DHX37: variants seen among roughly 807,000 people sequenced by gnomAD.
DHX37 encodes DEAH-box helicase 37, also known as probable ATP-dependent RNA helicase DHX37.
DHX37 carries 52 observed loss-of-function variants against 134.3 expected under a neutral mutation model. The observed-to-expected ratio is 0.39, with a 90% CI of 0.31 to 0.49. DHX37 has a LOEUF of 0.49. Ranked by LOEUF, DHX37 falls within the 20% of genes least tolerant of loss-of-function variation. The pLI is 0.93. For missense variants in DHX37, 1,344 were observed against 1,580.8 expected, an observed-to-expected ratio of 0.85 and a Z score of 2.54; for synonymous variants, 634 against 670.7, an observed-to-expected ratio of 0.95 and a Z score of 0.85.
At position 124,971,297 on chromosome 12, in the gene DHX37, G is replaced by T; in HGVS notation, c.1191+5C>A. On this transcript the variant is annotated splice_donor_5th_base_variant and intron_variant, in intron 8 of 26. Transcript: ENST00000308736. Reference sequence around the variant, plus strand: ...GGGCTCCCCAGCACCCGCCTCCTGCGCTACCTTAGCCCGGAGAGTCACAAT... The same window carrying T: ...GGGCTCCCCAGCACCCGCCTCCTGCTCTACCTTAGCCCGGAGAGTCACAAT... 1 of 1,611,772 alleles carries T rather than the reference G, an allele frequency of 6.2e-7. No homozygotes were observed. Among genetic ancestry groups the T allele is most frequent in the Non-Finnish European group, 8.5e-7 (1 of 1,179,758 alleles).
At position 124,949,387 on chromosome 12, in the gene DHX37, G is replaced by C. The variant is rs375389204; in HGVS notation, c.3290+599C>G. 6.6e-6 allele frequency among the ~76,000 whole-genome samples: 1 copy of C among 152,200 alleles called. No homozygotes were observed. The highest frequency in any genetic ancestry group is 1.5e-5 in the Non-Finnish European group (1 of 68,048). On this transcript the variant is annotated intron_variant, in intron 25 of 26. Coordinates refer to ENST00000308736, the MANE Select transcript of DHX37 (RefSeq NM_032656.4). This position sits in a 1 kb window ranked among gnomAD's most constrained non-coding sequence, Gnocchi z 4.0. ...AGGTGTCTGTGGGTCTGGACCACAG[G>C]CAGGAGGAGAGCAGAAGCAGGAGGC...
At chr12:124,951,595 T>C (rs1372261909) in intron 21 of DHX37, among the ~76,000 whole-genome samples, 1 of 152,162 alleles carries the variant, frequency 6.6e-6, no homozygotes, top group Non-Finnish European at 1.5e-5. Flanking sequence ...ACACTTTAAA[T>C]GGGTTTAAAT....
At chr12:124,959,073 C>CTTTTTTTT (rs1188884814) in intron 16 of DHX37, among the ~76,000 whole-genome samples, 1 of 115,816 alleles carries the variant, frequency 8.6e-6, no homozygotes, top group African/African-American at 4.0e-5. Flanking sequence ...CCACACCTGG[C>CTTTTTTTT]TTTTTTTTTT....
Position 124,964,577 on chromosome 12 carries a change from T to C in DHX37, c.1862A>G (p.Asn621Ser). 6.2e-7 allele frequency: 1 copy of C among 1,613,376 alleles called. No individual in the cohort carries two copies. Among genetic ancestry groups the C allele is most frequent in the African/African-American group, 1.3e-5 (1 of 75,020 alleles). The part of the protein sequence containing the change: ...EGTRLCVVAT[N>S]VAETSLTIPG... ...GATGGTAAGCGACGTCTCGGCCACA[T>C]TGGTGGCCACAACACACAACCGAGT... Residue 621 changes from asparagine to serine, a missense_variant, in exon 15 of 27, where the codon AAT becomes AGT. By Grantham distance (46) the Asn-to-Ser change is conservative (BLOSUM62 1). Around this residue, in one of 7 missense-constraint regions of DHX37, gnomAD observed 289 missense variants for 323.8 expected, o/e 0.89. Coordinates refer to ENST00000308736, the MANE Select transcript of DHX37 (RefSeq NM_032656.4).
chr12:124,964,967 G>T lies in DHX37; in HGVS notation c.1775C>A (p.Pro592Gln). The T allele has an allele frequency of 6.3e-7, 1 of 1,599,406 alleles. No individual in the cohort carries two copies. The change falls in exon 14 of 27, where the codon CCG becomes CAG. Residue 592 changes from proline to glutamine, a missense_variant. Pro to Gln is a moderately conservative substitution (Grantham distance 76, BLOSUM62 -1). Transcript: ENST00000308736. ...CTCTGGGGCCAGCAGAGAGTACAGC[G>T]GGAGCACGTGGAGCGGGAGGGAGGC... ...PDASLPLHVL[P>Q]LYSLLAPEKQ... is the part of the protein sequence containing the mutation.
At position 124,989,034 on chromosome 12, in the gene DHX37, C is replaced by T; in HGVS notation, c.-12G>A. Reference sequence around the variant, plus strand: ...CGCAGCTTCCCCATGGCGACTAGGCCAGGGTGGGCGCTCCAGCGGCCGGAC... The same window carrying T: ...CGCAGCTTCCCCATGGCGACTAGGCTAGGGTGGGCGCTCCAGCGGCCGGAC... On this transcript the variant is annotated 5_prime_UTR_variant, in exon 1 of 27. Transcript: ENST00000308736. The T allele has an allele frequency of 5.9e-6, 8 of 1,352,606 alleles. No homozygotes were observed. The highest frequency in any genetic ancestry group is 7.7e-6 in the Non-Finnish European group (8 of 1,045,046). The allele number at this position is 1,352,606 out of a possible 1,614,324, so 83.8% of individuals were successfully genotyped here. A position where few individuals can be genotyped will look rare whatever the true frequency, so the allele number is the denominator to read the frequency against.
At chr12:124,977,181 C>T (rs2135962693) in intron 5 of DHX37, among the ~76,000 whole-genome samples, 161 bp downstream of exon 5, 1 of 152,360 alleles carries the variant, frequency 6.6e-6, no homozygotes, top group African/African-American at 2.4e-5. Context: ...TCCCATCTCA[C>T]AGCTGGGGCC....
At position 124,978,212 on chromosome 12, in the gene DHX37, C is replaced by T. The variant is rs569280054; in HGVS notation, c.739-722G>A. On this transcript the variant is annotated intron_variant, in intron 4 of 26. Transcript: ENST00000308736. ...CTGACCTCAGGTGATCTGCCCACCT[C>T]GGCCTCCCAAAGTGCTGGGATTACA... 7.2e-5 allele frequency among the ~76,000 whole-genome samples: 11 copies of T among 152,188 alleles called. No homozygotes were observed. In the South Asian group the frequency reaches 1.9e-3, roughly 26 times the overall value.
At chr12:124,967,345 C>T in intron 10 of DHX37, 127 bp from the exon 11 acceptor site, 9 of 1,037,410 alleles carry the variant, frequency 8.7e-6, no homozygotes, top group Non-Finnish European at 1.3e-5. Context: ...CAGGAGTACA[C>T]AGACATAGAT....
intron 5 of DHX37, among the ~76,000 whole-genome samples, chr12:124,976,197 C>T (rs1164791018): frequency 2.0e-5 from 3 of 152,228 alleles, no homozygotes; most frequent in African/African-American, 7.2e-5. Flanking sequence ...TGTGTGAGTC[C>T]ACCGGGAGGG....
chr12:124,952,652 ATGCTCAG>A (rs1953998658), intron 20 of DHX37, 82 bp from the exon 21 acceptor site: 1 of 1,423,802 alleles, frequency 7.0e-7, no homozygotes, highest in African/African-American at 1.4e-5. Context: ...AGTCCCAACC[ATGCTCAG>A]TGCTCTAGCC....
At chr12:124,969,102 A>ACCTTTCT (rs1340761130) in intron 8 of DHX37, 134 bp from the exon 9 acceptor site, 2 of 830,336 alleles carry the variant, frequency 2.4e-6, no homozygotes, top group Non-Finnish European at 3.8e-6. Context: ...TGGATGCCAA[A>ACCTTTCT]GGCTCCTTGG....
chr12:124,954,694 G>A (rs370912449), intron 18 of DHX37, among the ~76,000 whole-genome samples: 3 of 152,118 alleles, frequency 2.0e-5, no homozygotes, highest in Non-Finnish European at 2.9e-5. Context: ...CACCGTGCCC[G>A]GCCACTGCAC....
At chr12:124,972,171 C>G (rs917911743) in intron 7 of DHX37, among the ~76,000 whole-genome samples, 1 of 152,236 alleles carries the variant, frequency 6.6e-6, no homozygotes, top group Non-Finnish European at 1.5e-5. Flanking sequence ...TTTCAGTACA[C>G]CCCCGGCAAG....
At chr12:124,948,351 G>T in intron 25 of DHX37, 170 bp from the exon 26 acceptor site, 1 of 1,206,922 alleles carries the variant, frequency 8.3e-7, no homozygotes, top group Non-Finnish European at 1.1e-6. Context: ...TCAGGGGGCT[G>T]AAGTAGGAGG....
chr12:124,966,440 T>C (rs1265232023), intron 12 of DHX37, among the ~76,000 whole-genome samples: 2 of 152,188 alleles, frequency 1.3e-5, no homozygotes, highest in African/African-American at 4.8e-5. Context: ...CACAGCTCAT[T>C]GCAGCCTTGA....
rs1251585137 is a variant in DHX37, at chr12:124,954,111, G to A, written c.2554C>T (p.Leu852Phe). 6.2e-7 allele frequency: 1 copy of A among 1,610,578 alleles called. No homozygotes were observed. The highest frequency in any genetic ancestry group is 8.5e-7 in the Non-Finnish European group (1 of 1,178,108). Residue 852 changes from leucine (L) to phenylalanine (F), a missense_variant, in exon 19 of 27, where the codon CTC (leucine) becomes TTC (phenylalanine). By Grantham distance (22) the Leu-to-Phe change is conservative (BLOSUM62 0). Transcript: ENST00000308736. Reference sequence around the variant, plus strand: ...CCCAGCAGCACCATGAGGTCGCCGAGCTTCAGAGAAGCCCCCTGCCCTGCC... The same window carrying A: ...CCCAGCAGCACCATGAGGTCGCCGAACTTCAGAGAAGCCCCCTGCCCTGCC... ...TWAGQGASLK[L>F]GDLMVLLGAV...
intron 8 of DHX37, among the ~76,000 whole-genome samples, chr12:124,969,783 TAC>T (rs903017600): frequency 1.3e-5 from 2 of 151,918 alleles, no homozygotes; most frequent in African/African-American, 2.4e-5. Context: ...TGCAAATGGT[TAC>T]ACACAGAGTG....
At chr12:124,951,072 A>G (rs1285891251) in intron 21 of DHX37, among the ~76,000 whole-genome samples, 1 of 152,168 alleles carries the variant, frequency 6.6e-6, no homozygotes, top group Non-Finnish European at 1.5e-5. Context: ...AGAGTTCGAG[A>G]CCAGCCTGGC....
Sources: allele counts gnomAD v4.1 joint callset (sites outside exome capture counted in the v4.1 genomes callset), GRCh38; gene constraint gnomAD v4.1.1; regional missense constraint gnomAD v4.1.1; non-coding constraint Gnocchi (gnomAD v3.1); transcripts MANE v1.5; gene names NCBI Gene and HGNC (gene_info 2026-07-23, HGNC 2026-07-21).